Variants in ADGRL3 observed in about 807,000 individuals in gnomAD.
The protein encoded by ADGRL3 is adhesion G protein-coupled receptor L3.
Under a neutral mutation model 153.5 loss-of-function variants are expected in ADGRL3, and 62 were observed. The ratio of observed to expected loss-of-function variants is 0.40; its 90% CI spans 0.33 to 0.50. The LOEUF (loss-of-function observed/expected upper bound fraction) is 0.50, where lower values mean the gene tolerates loss of function less well. Among genes scored for constraint, ADGRL3 ranks in the 20% least tolerant of loss-of-function variants. The pLI, the probability that ADGRL3 is intolerant of heterozygous loss-of-function variation, is 0.47. For missense variants in ADGRL3, 1,641 were observed against 1,859.4 expected, an observed-to-expected ratio of 0.88 and a Z score of 2.16; for synonymous variants, 710 against 672.5, an observed-to-expected ratio of 1.06 and a Z score of -0.86.
chr4:61,383,801 A>G (rs945762157), intron 2 of ADGRL3, among the ~76,000 whole-genome samples: 1 of 151,836 alleles, frequency 6.6e-6, no homozygotes, highest in Non-Finnish European at 1.5e-5. Flanking sequence ...TTAAGTCAAT[A>G]TCCATATTTA....
chr4:62,054,874 C>A (rs1230319094), intron 25 of ADGRL3, among the ~76,000 whole-genome samples: 4 of 151,574 alleles, frequency 2.6e-5, no homozygotes, highest in African/African-American at 7.3e-5. Context: ...TGAAAAATTA[C>A]CTACCTTTAT....
intron 8 of ADGRL3, among the ~76,000 whole-genome samples, chr4:61,750,022 T>C (rs2096732134): frequency 1.3e-5 from 2 of 152,054 alleles, no homozygotes; most frequent in African/African-American, 2.4e-5. Flanking sequence ...ATTCCTTTCT[T>C]TCCTTCAGAC....
chr4:61,778,615 T>TA (rs1348612939), intron 8 of ADGRL3, among the ~76,000 whole-genome samples: 1 of 152,238 alleles, frequency 6.6e-6, no homozygotes, highest in Non-Finnish European at 1.5e-5. Context: ...ATGTTGTACT[T>TA]ACATTCCCTT....
chr4:61,396,523 C>T (rs910612382), intron 2 of ADGRL3, among the ~76,000 whole-genome samples: 1 of 151,736 alleles, frequency 6.6e-6, no homozygotes, highest in African/African-American at 2.4e-5. Context: ...GAATGATTGC[C>T]AACTTGATTC....
At chr4:61,250,314 T>A (rs903123743) in intron 1 of ADGRL3, among the ~76,000 whole-genome samples, 4 of 152,162 alleles carry the variant, frequency 2.6e-5, no homozygotes, top group Non-Finnish European at 5.9e-5. Context: ...CTCAAGTGGG[T>A]TACAGGACTG....
intron 16 of ADGRL3, among the ~76,000 whole-genome samples, chr4:61,947,630 AAAG>A (rs1170688415): frequency 2.0e-5 from 3 of 152,188 alleles, no homozygotes; most frequent in African/African-American, 7.2e-5. Flanking sequence ...CTGTGTTTTT[AAAG>A]AAGAATAGGA....
chr4:61,595,436 A>G (rs914362879), intron 5 of ADGRL3, among the ~76,000 whole-genome samples: 19 of 151,798 alleles, frequency 1.3e-4, no homozygotes, highest in African/African-American at 4.1e-4. Flanking sequence ...TTGATCCAGG[A>G]TGTGTTGAGA....
chr4:61,550,671 A>G (rs1246256360), intron 4 of ADGRL3, among the ~76,000 whole-genome samples: 1 of 152,006 alleles, frequency 6.6e-6, no homozygotes. Context: ...AAAAATTATC[A>G]GAATACTTTG....
At chr4:61,729,624 G>T (rs1290853535) in intron 6 of ADGRL3, among the ~76,000 whole-genome samples, 1 of 151,770 alleles carries the variant, frequency 6.6e-6, no homozygotes, top group Non-Finnish European at 1.5e-5. Flanking sequence ...TTTGTGTTGT[G>T]AACTCGTTCT....
Position 62,072,446 on chromosome 4 carries a change from T to C in ADGRL3, c.*1538T>C, listed in dbSNP as rs1041638124. On this transcript the variant is annotated 3_prime_UTR_variant, in exon 27 of 27. Transcript: ENST00000683033. ...ACAACTGATTGAGATTTAGAAGATATTGTATTGATGTATGTACTATATGAT... is the reference window on the plus strand; with the variant it reads ...ACAACTGATTGAGATTTAGAAGATACTGTATTGATGTATGTACTATATGAT... 6.6e-6 allele frequency: 1 copy of C among 152,566 alleles called. No individual in the cohort carries two copies. The highest frequency in any genetic ancestry group is 1.5e-5 in the Non-Finnish European group (1 of 68,022). The allele number at this position is 152,566 out of a possible 1,614,324, so 9.5% of individuals were successfully genotyped here.
At chr4:61,278,579 C>T (rs968507792) in intron 1 of ADGRL3, among the ~76,000 whole-genome samples, 5 of 152,120 alleles carry the variant, frequency 3.3e-5, no homozygotes, top group Non-Finnish European at 7.4e-5. Flanking sequence ...TCTCAGCTCA[C>T]TGTGATCTCC....
At chr4:61,743,738 T>C (rs1338690644) in intron 8 of ADGRL3, among the ~76,000 whole-genome samples, 2 of 152,170 alleles carry the variant, frequency 1.3e-5, no homozygotes, top group Non-Finnish European at 2.9e-5. Context: ...GGAGCCAAGA[T>C]GGCCGAATAG....
intron 8 of ADGRL3, chr4:61,775,370 G>C: frequency 2.4e-6 from 1 of 417,210 alleles, no homozygotes; most frequent in South Asian, 2.6e-5. Context: ...TTACAGTAAT[G>C]GAAAAGCTAA....
chr4:61,384,874 TA>T (rs1313040281), intron 2 of ADGRL3, among the ~76,000 whole-genome samples: 1 of 152,030 alleles, frequency 6.6e-6, no homozygotes, highest in Non-Finnish European at 1.5e-5. Context: ...CCCTCAGTGA[TA>T]GTATGTTAGT....
chr4:61,565,945 A>G (rs2098814601), intron 4 of ADGRL3, among the ~76,000 whole-genome samples: 1 of 152,226 alleles, frequency 6.6e-6, no homozygotes, highest in Non-Finnish European at 1.5e-5. Flanking sequence ...AATCTATGAA[A>G]TATACCAAGT....
At chr4:62,031,388 T>A in intron 22 of ADGRL3, 54 bp from the exon 23 acceptor site, 1 of 1,423,318 alleles carries the variant, frequency 7.0e-7, no homozygotes, top group Non-Finnish European at 9.6e-7. Flanking sequence ...CTGATATGGT[T>A]GTTAATTAAA....
chr4:61,756,961 G>C (rs933609028), intron 8 of ADGRL3, among the ~76,000 whole-genome samples: 3 of 152,126 alleles, frequency 2.0e-5, no homozygotes, highest in Non-Finnish European at 4.4e-5. Context: ...TGTATCCCAG[G>C]GATGAAGCCC....
intron 21 of ADGRL3, among the ~76,000 whole-genome samples, chr4:62,022,113 A>T (rs187681137): frequency 1.2e-3 from 187 of 149,654 alleles, no homozygotes; most frequent in Middle Eastern, 6.8e-3. Flanking sequence ...AAGGAAATTG[A>T]AAGTACTAAT....
intron 5 of ADGRL3, among the ~76,000 whole-genome samples, chr4:61,629,018 C>G (rs140095567): frequency 6.6e-6 from 1 of 152,228 alleles, no homozygotes; most frequent in East Asian, 1.9e-4. Flanking sequence ...TGCTACAGCA[C>G]TAGGGTAACA....
Sources: gnomAD v4.1 joint callset for allele counts (sites outside exome capture counted in the v4.1 genomes callset) on GRCh38, gnomAD v4.1.1 for gene constraint, MANE v1.5 for transcripts, NCBI Gene and HGNC (gene_info 2026-07-23, HGNC 2026-07-21) for gene names.